The following PIGN variants were observed in gnomAD, a reference collection of about 807,000 sequenced individuals.
PIGN encodes GPI ethanolamine phosphate transferase 1.
PIGN carries 117 observed loss-of-function variants against 125.4 expected under a neutral mutation model. The observed-to-expected ratio is 0.93, with a 90% CI of 0.80 to 1.09. The LOEUF (loss-of-function observed/expected upper bound fraction) is 1.09. PIGN is among the 50% of genes least tolerant of loss of function. The pLI, the probability that PIGN is intolerant of heterozygous loss-of-function variation, is 0.00. For synonymous variants in PIGN, 392 were observed against 377.8 expected (o/e 1.04, Z -0.44); for missense variants, 1,075 against 1,094.9 (o/e 0.98, Z 0.26).
intron 7 of PIGN, among the ~76,000 whole-genome samples, chr18:62,151,912 A>C (rs1039852886): frequency 6.6e-6 from 1 of 152,196 alleles, no homozygotes; most frequent in Non-Finnish European, 1.5e-5. Flanking sequence ...CACTCTATAA[A>C]ATATTTGAAG....
At chr18:62,092,823 T>C (rs1473182739) in intron 23 of PIGN, among the ~76,000 whole-genome samples, 1 of 152,146 alleles carries the variant, frequency 6.6e-6, no homozygotes, top group Non-Finnish European at 1.5e-5. Flanking sequence ...ACAATGCTTG[T>C]ATCCCTGGCC....
rs28360794 is a variant in PIGN, at chr18:62,125,157, T to C, written c.1173-10518A>G. 1.7e-3 allele frequency among the ~76,000 whole-genome samples: 170 copies of C among 100,654 alleles called. 14 individuals carry two copies. Among genetic ancestry groups the C allele is most frequent in the African/African-American group, 3.9e-3 (106 of 27,478 alleles). The allele number at this position is 100,654 out of a possible 152,430, so 66.0% of individuals were successfully genotyped here. On this transcript the variant is annotated intron_variant, in intron 14 of 30. Transcript: ENST00000640252. ...ACGTTTGTACATATGTGTATATACATGTTTGTACATATGTGTATATAAATA... is the reference window on the plus strand; with the variant it reads ...ACGTTTGTACATATGTGTATATACACGTTTGTACATATGTGTATATAAATA...
intron 23 of PIGN, among the ~76,000 whole-genome samples, chr18:62,027,198 T>C (rs1476651248): frequency 6.6e-6 from 1 of 152,018 alleles, no homozygotes; most frequent in African/African-American, 2.4e-5. Flanking sequence ...TGAGACTCCA[T>C]TTCAAATTAA....
intron 25 of PIGN, among the ~76,000 whole-genome samples, chr18:62,085,949 G>A (rs1382468717): frequency 5.3e-5 from 8 of 152,166 alleles, no homozygotes; most frequent in South Asian, 2.1e-4. Flanking sequence ...GTGAGGCAAC[G>A]CCGAAGAGGA....
intron 30 of PIGN, among the ~76,000 whole-genome samples, chr18:62,068,608 C>T (rs973791963): frequency 2.0e-5 from 3 of 152,204 alleles, no homozygotes; most frequent in Non-Finnish European, 2.9e-5. Flanking sequence ...CAACAACGTC[C>T]TCTGCCACTT....
At chr18:62,072,070 ATG>A (rs1190331559) in intron 30 of PIGN, among the ~76,000 whole-genome samples, 28 of 148,154 alleles carry the variant, frequency 1.9e-4, no homozygotes, top group East Asian at 3.9e-4. Context: ...GCCTAGGTGA[ATG>A]TGTGTGTGTG....
intron 21 of PIGN, 100 bp from the exon 22 acceptor site, chr18:62,101,283 G>A: frequency 1.4e-6 from 1 of 696,074 alleles, no homozygotes; most frequent in Non-Finnish European, 2.5e-6. Flanking sequence ...ATTAAAATGT[G>A]GAAAAAATGT....
At position 62,161,190 on chromosome 18, in the gene PIGN, C is replaced by A; in HGVS notation, c.164G>T (p.Arg55Leu). The change falls in exon 4 of 31, where the codon CGA becomes CTA. Residue 55 changes from arginine to leucine, a missense_variant. Physicochemically the swap from Arg to Leu is moderately radical, Grantham distance 102 (BLOSUM62 -2). Transcript: ENST00000640252. ...ATCTAATTCGTAAAGTGCATCTGCTCGAAGGCCATCAGCAACAAACAACAC... is the reference window on the plus strand; with the variant it reads ...ATCTAATTCGTAAAGTGCATCTGCTAGAAGGCCATCAGCAACAAACAACAC... ...RLVLFVADGL[R>L]ADALYELDEN... 6.2e-7 allele frequency: 1 copy of A among 1,613,814 alleles called. No homozygotes were observed. The highest frequency in any genetic ancestry group is 1.1e-5 in the South Asian group (1 of 91,052).
intron 30 of PIGN, among the ~76,000 whole-genome samples, chr18:62,048,706 T>TA (rs1459312666): frequency 2.3e-4 from 34 of 150,500 alleles, no homozygotes; most frequent in Non-Finnish European, 3.1e-4. Context: ...TTTTTTTTTT[T>TA]TTATTATTAT....
intron 30 of PIGN, among the ~76,000 whole-genome samples, chr18:62,069,002 G>C (rs2032688133): frequency 6.6e-6 from 1 of 152,134 alleles, no homozygotes; most frequent in African/African-American, 2.4e-5. Flanking sequence ...TCACGGATCT[G>C]CTTCCTCCTC....
rs571086760 is a variant in PIGN at position 62,081,517 on chromosome 18, T to C, written c.2576+1156A>G. On this transcript the variant is annotated intron_variant, in intron 28 of 30. Coordinates refer to ENST00000640252, the MANE Select transcript of PIGN (RefSeq NM_176787.5). The stretch of plus-strand genomic sequence containing the variant: ...CCACCTTTGCCTCAGTTCTCTCCTG[T>C]TGTGTTTTGTTTTTCATTGCACTAG... Among the ~76,000 whole-genome samples the C allele has an allele frequency of 2.0e-5, 3 of 152,302 alleles. No homozygotes were observed. In the East Asian group the frequency reaches 5.8e-4, roughly 29 times the overall value.
intron 23 of PIGN, among the ~76,000 whole-genome samples, chr18:62,095,181 G>C (rs1423375751): frequency 2.0e-5 from 3 of 152,116 alleles, no homozygotes; most frequent in Admixed American, 6.5e-5. Context: ...GTCATTGTTT[G>C]TTATAATGTA....
At chr18:62,146,888 C>G (rs1048849868) in intron 9 of PIGN, 83 bp downstream of exon 9, 1 of 1,398,348 alleles carries the variant, frequency 7.2e-7, no homozygotes, top group Admixed American at 1.9e-5. Context: ...GACATCTAAT[C>G]CTCTCAACAT....
At chr18:62,099,710 A>C (rs2034360124) in intron 22 of PIGN, among the ~76,000 whole-genome samples, 1 of 152,154 alleles carries the variant, frequency 6.6e-6, no homozygotes, top group African/African-American at 2.4e-5. Context: ...ACATACATTG[A>C]GGAAAGGACT....
chr18:62,152,000 G>T (rs1204225578), intron 7 of PIGN, among the ~76,000 whole-genome samples: 2 of 152,198 alleles, frequency 1.3e-5, no homozygotes, highest in African/African-American at 4.8e-5. Context: ...ATTTGCTCAA[G>T]GTGGTCGGGG....
Position 62,145,187 on chromosome 18 carries a change from A to G in PIGN, c.922+722T>C, listed in dbSNP as rs74861686. ...GGGCTATCTCAAAGATATGTAGTAG[A>G]TGAAAAAAAGAGTCCACTAGCTTCT... On this transcript the variant is annotated intron_variant, in intron 10 of 30. Transcript: ENST00000640252. Among the ~76,000 whole-genome samples the G allele has an allele frequency of 4.7e-3, 712 of 152,292 alleles. 8 individuals carry two copies. The highest frequency in any genetic ancestry group is 0.016 in the African/African-American group (680 of 41,546).
chr18:62,076,986 A>G (rs2033204363), intron 28 of PIGN, among the ~76,000 whole-genome samples: 2 of 152,208 alleles, frequency 1.3e-5, no homozygotes, highest in Non-Finnish European at 1.5e-5. Context: ...AGCAGCTCCA[A>G]TTACTGCAGA....
At chr18:62,143,710 G>A (rs1326460303) in intron 10 of PIGN, among the ~76,000 whole-genome samples, 1 of 152,088 alleles carries the variant, frequency 6.6e-6, no homozygotes, top group East Asian at 1.9e-4. Context: ...GAGTTATTAA[G>A]GCAATTCATA....
chr18:62,114,426 C>T lies in PIGN; in HGVS notation c.1251+135G>A, dbSNP rs1410279489. ...AAGAGAGATCTGTCCACTGCTAAAG[C>T]AGCTACTCAGGAAATGCAATCCTTC... On this transcript the variant is annotated intron_variant, in intron 15 of 30. Coordinates refer to ENST00000640252, the MANE Select transcript of PIGN (RefSeq NM_176787.5). 8.1e-6 allele frequency: 5 copies of T among 614,758 alleles called. No individual in the cohort carries two copies. In the Admixed American group the frequency reaches 1.4e-4, roughly 17 times the overall value. The allele number at this position is 614,758 out of a possible 1,614,324, so 38.1% of individuals were successfully genotyped here.
Sources: allele counts gnomAD v4.1 joint callset (sites outside exome capture counted in the v4.1 genomes callset), GRCh38; gene constraint gnomAD v4.1.1; transcripts MANE v1.5; gene names NCBI Gene and HGNC (gene_info 2026-07-23, HGNC 2026-07-21).